The following PACSIN1 variants were observed in gnomAD, a reference collection of about 807,000 sequenced individuals.
PACSIN1 encodes the protein protein kinase C and casein kinase substrate in neurons protein 1.
A neutral mutation model predicts 59.5 loss-of-function variants in PACSIN1; 15 were observed. The observed-to-expected ratio is 0.25, with a 90% CI of 0.17 to 0.39. The LOEUF (loss-of-function observed/expected upper bound fraction) is 0.39. Ranked by LOEUF, PACSIN1 falls within the 10% of genes least tolerant of loss-of-function variation. The probability of loss-of-function intolerance (pLI) is 1.00; values close to 1 mark genes in which losing one functional copy is unlikely to be tolerated. For synonymous variants in PACSIN1, 210 were observed against 220.6 expected, an observed-to-expected ratio of 0.95 and a Z score of 0.42; for missense variants, 420 against 580.2, an observed-to-expected ratio of 0.72 and a Z score of 2.84.
chr6:34,477,315 A>G (rs1308714730), intron 1 of PACSIN1, among the ~76,000 whole-genome samples: 2 of 151,908 alleles, frequency 1.3e-5, no homozygotes, highest in Non-Finnish European at 2.9e-5. Context: ...ACATAGGGAG[A>G]TGCTGTCTCT....
intron 1 of PACSIN1, among the ~76,000 whole-genome samples, chr6:34,485,309 G>A (rs910840207): frequency 1.3e-5 from 2 of 152,084 alleles, no homozygotes; most frequent in African/African-American, 2.4e-5. Context: ...TGCAGCTGCC[G>A]TCTGGCAGAT....
rs73746679 is a variant in PACSIN1, at chr6:34,531,980, G to A, written c.1225+193G>A. 0.01 allele frequency among the ~76,000 whole-genome samples: 1,545 copies of A among 151,788 alleles called. 19 individuals are homozygous for A. Among genetic ancestry groups the A allele is most frequent in the African/African-American group, 0.036 (1,480 of 41,320 alleles). ...GGGCAGGGGTGGTGCCTGAAAGAGA[G>A]GCTTGGGCCTGCATTGGGTGTGTGG... On this transcript the variant is annotated intron_variant, in intron 9 of 9. Transcript: ENST00000244458. This position sits in a 1 kb window ranked among gnomAD's most constrained non-coding sequence, Gnocchi z 4.4.
In PACSIN1 at chr6:34,478,659, C is replaced by T. The variant is rs922357352; in HGVS notation, c.-64+12389C>T. 5.9e-5 allele frequency among the ~76,000 whole-genome samples: 9 copies of T among 152,362 alleles called. 1 individual carries two copies. The highest frequency in any genetic ancestry group is 4.6e-4 in the Admixed American group (7 of 15,300). On this transcript the variant is annotated intron_variant, in intron 1 of 9. Coordinates refer to ENST00000244458, the MANE Select transcript of PACSIN1 (RefSeq NM_020804.5). Reference sequence around the variant, plus strand: ...GTGCTGGGATTACAGGCATGAGCCACCACACTCAGCCTATTTATCCATTTT... The same window carrying T: ...GTGCTGGGATTACAGGCATGAGCCATCACACTCAGCCTATTTATCCATTTT...
intron 1 of PACSIN1, among the ~76,000 whole-genome samples, chr6:34,490,992 C>T (rs979881713): frequency 6.6e-6 from 1 of 152,062 alleles, no homozygotes; most frequent in South Asian, 2.1e-4. Flanking sequence ...GCATAGTCTT[C>T]GAGCAGGGGG....
chr6:34,471,271 G>A (rs1766568294), intron 1 of PACSIN1, among the ~76,000 whole-genome samples: 1 of 152,178 alleles, frequency 6.6e-6, no homozygotes. Flanking sequence ...GACTAAATGT[G>A]GCCACTGTAG....
At position 34,532,368 on chromosome 6, in the gene PACSIN1, T is replaced by C; in HGVS notation, c.1226-53T>C. 2 of 1,245,974 alleles carry C rather than the reference T, an allele frequency of 1.6e-6. No homozygotes were observed. The highest frequency in any genetic ancestry group is 2.0e-5 in the Admixed American group (1 of 49,930). 77.2% of individuals were successfully genotyped at this position (1,245,974 alleles called of 1,614,324 possible). ...GAGGGTTCCCCTAGCAGCCGGTGCG[T>C]TGAGGGAGGGGCAGCCTTCTCTCTG... On this transcript the variant is annotated intron_variant, in intron 9 of 9. Transcript: ENST00000244458. This position sits in a 1 kb window ranked among gnomAD's most constrained non-coding sequence, Gnocchi z 5.2.
chr6:34,514,745 G>T lies in PACSIN1; in HGVS notation c.-63-11498G>T, dbSNP rs1767260023. ...CATCCCCTGCTGTACATGGGAGGGA[G>T]GCTGTCTGTGCAGAGCATTGCCCAG... On this transcript the variant is annotated intron_variant, in intron 1 of 9. Transcript: ENST00000244458. The surrounding 1 kb of genome is among the most constrained non-coding windows in gnomAD (Gnocchi z 4.4). 1 of 152,538 alleles carries T rather than the reference G, an allele frequency of 6.6e-6. No individual in the cohort carries two copies. Among genetic ancestry groups the T allele is most frequent in the Non-Finnish European group, 1.5e-5 (1 of 68,210 alleles). 9.4% of individuals were successfully genotyped at this position (152,538 alleles called of 1,614,324 possible).
chr6:34,480,132 G>A lies in PACSIN1; in HGVS notation c.-64+13862G>A, dbSNP rs114013357. 5.2e-3 allele frequency among the ~76,000 whole-genome samples: 776 copies of A among 150,570 alleles called. 2 individuals carry two copies. Among genetic ancestry groups the A allele is most frequent in the Middle Eastern group, 0.014 (4 of 288 alleles). On this transcript the variant is annotated intron_variant, in intron 1 of 9. Transcript: ENST00000244458. ...TGAGCCACCACTCCTGGCAACTAAA[G>A]TTTGTTCTCTTTTTAAATTAACATT...
chr6:34,492,195 C>CTT (rs55745060), intron 1 of PACSIN1, among the ~76,000 whole-genome samples: 3,130 of 79,956 alleles, frequency 0.039, 56 homozygotes, highest in East Asian at 0.095. Flanking sequence ...CTTTTTTGAC[C>CTT]TTTTTTTTTT....
At position 34,475,671 on chromosome 6, in the gene PACSIN1, G is replaced by A. The variant is rs577300873; in HGVS notation, c.-64+9401G>A. 4.6e-5 allele frequency among the ~76,000 whole-genome samples: 7 copies of A among 152,302 alleles called. No individual in the cohort carries two copies. In the East Asian group the frequency reaches 5.8e-4, roughly 13 times the overall value. On this transcript the variant is annotated intron_variant, in intron 1 of 9. Coordinates refer to ENST00000244458, the MANE Select transcript of PACSIN1 (RefSeq NM_020804.5). The stretch of plus-strand genomic sequence containing the variant: ...AGCCAAGGGCAGCTCTCAGGGGAAG[G>A]GGGCAGCTGTGAGCTGCTAGCAGCC...
chr6:34,532,298 C>T lies in PACSIN1; in HGVS notation c.1226-123C>T. On this transcript the variant is annotated intron_variant, in intron 9 of 9. Coordinates refer to ENST00000244458, the MANE Select transcript of PACSIN1 (RefSeq NM_020804.5). The surrounding 1 kb of genome is among the most constrained non-coding windows in gnomAD (Gnocchi z 5.2). ...CTGGGGCTGGTTTCCAGGGGCGGGG[C>T]CTAAGAATCTAAAACCCAGTGCAGT... The T allele has an allele frequency of 1.5e-6, 1 of 668,824 alleles. No homozygotes were observed. The highest frequency in any genetic ancestry group is 2.9e-5 in the East Asian group (1 of 34,818). The allele number at this position is 668,824 out of a possible 1,614,324, so 41.4% of individuals were successfully genotyped here. A position where few individuals can be genotyped will look rare whatever the true frequency, so the allele number is the denominator to read the frequency against.
intron 1 of PACSIN1, among the ~76,000 whole-genome samples, chr6:34,490,942 G>A (rs1766867363): frequency 6.6e-6 from 1 of 152,108 alleles, no homozygotes; most frequent in Non-Finnish European, 1.5e-5. Flanking sequence ...TATCCCACTT[G>A]ATGTCCCACC....
intron 1 of PACSIN1, among the ~76,000 whole-genome samples, chr6:34,503,130 TG>T (rs923724396): frequency 9.9e-5 from 15 of 152,074 alleles, no homozygotes; most frequent in Non-Finnish European, 2.1e-4. Context: ...TAGCCCGGCA[TG>T]GTGGCCTGCA....
At chr6:34,482,716 G>A (rs181580747) in intron 1 of PACSIN1, among the ~76,000 whole-genome samples, 1 of 146,378 alleles carries the variant, frequency 6.8e-6, no homozygotes, top group East Asian at 2.0e-4. Context: ...GTCTCACTCT[G>A]TTGCCCAGGC....
intron 1 of PACSIN1, among the ~76,000 whole-genome samples, chr6:34,508,907 G>A (rs529043677): frequency 6.6e-6 from 1 of 152,096 alleles, no homozygotes; most frequent in East Asian, 1.9e-4. Flanking sequence ...TATGTATTTT[G>A]GATCCTAGTC....
chr6:34,504,725 T>A (rs1767083194), intron 1 of PACSIN1, among the ~76,000 whole-genome samples: 1 of 152,190 alleles, frequency 6.6e-6, no homozygotes, highest in Admixed American at 6.5e-5. Flanking sequence ...GAGGATTCCT[T>A]CTTGTATCTT....
intron 1 of PACSIN1, among the ~76,000 whole-genome samples, chr6:34,494,104 G>A (rs1000907170): frequency 1.3e-5 from 2 of 152,176 alleles, no homozygotes; most frequent in Non-Finnish European, 2.9e-5. Flanking sequence ...CTGAAACCAA[G>A]CTGTAGATTC....
intron 1 of PACSIN1, among the ~76,000 whole-genome samples, chr6:34,503,432 A>G (rs1209319857): frequency 6.6e-6 from 1 of 152,204 alleles, no homozygotes; most frequent in African/African-American, 2.4e-5. Context: ...TGTGAATCGG[A>G]AACACCAGAT....
intron 1 of PACSIN1, among the ~76,000 whole-genome samples, chr6:34,519,692 A>G (rs1464020241): frequency 6.6e-6 from 1 of 152,020 alleles, no homozygotes; most frequent in African/African-American, 2.4e-5. Flanking sequence ...CCTACACCCC[A>G]TGGGGGTAGG....
Sources: allele counts gnomAD v4.1 joint callset (sites outside exome capture counted in the v4.1 genomes callset), GRCh38; gene constraint gnomAD v4.1.1; non-coding constraint Gnocchi (gnomAD v3.1); transcripts MANE v1.5; gene names NCBI Gene and HGNC (gene_info 2026-07-23, HGNC 2026-07-21).